BTBD9: variants seen among roughly 807,000 people sequenced by gnomAD.
BTBD9 encodes the protein BTB/POZ domain-containing protein 9.
In BTBD9, 49 loss-of-function variants were observed where a neutral mutation model predicts 64.3. The ratio of observed to expected loss-of-function variants is 0.76; its 90% confidence interval spans 0.61 to 0.97. BTBD9 has a LOEUF of 0.97. Ranked by LOEUF, BTBD9 falls within the 50% of genes least tolerant of loss-of-function variation. The pLI is 0.00. For missense variants in BTBD9, 598 were observed against 762.1 expected, an observed-to-expected ratio of 0.78 and a Z score of 2.53; for synonymous variants, 260 against 274.7, an observed-to-expected ratio of 0.95 and a Z score of 0.53.
chr6:38,268,324 ATAAGTGCCATGG>A (rs1765084998), intron 8 of BTBD9, among the ~76,000 whole-genome samples: 1 of 152,220 alleles, frequency 6.6e-6, no homozygotes, highest in South Asian at 2.1e-4. Context: ...GAGAAATTTA[ATAAGTGCCATGG>A]CTCCTCCCTG....
At position 38,438,206 on chromosome 6, in the gene BTBD9, AGGAGGGAGGGAGGGAGGGAG is replaced by A. The variant is rs748681270; in HGVS notation, c.1155-93133_1155-93114del. 8.1e-3 allele frequency among the ~76,000 whole-genome samples: 802 copies of A among 98,468 alleles called. 21 individuals carry two copies. Among genetic ancestry groups the A allele is most frequent in the African/African-American group, 0.03 (742 of 24,416 alleles). The allele number at this position is 98,468 out of a possible 152,430, so 64.6% of individuals were successfully genotyped here. A position where few individuals can be genotyped will look rare whatever the true frequency, so the allele number is the denominator to read the frequency against. ...AAGGAAGGAGGAAAGGAGGAAAGGA[AGGAGGGAGGGAGGGAGGGAG>A]GGAGGGAGGGAGGGAGGGAGGGAGG... On this transcript the variant is annotated intron_variant, in intron 6 of 10. Coordinates refer to ENST00000481247, the MANE Select transcript of BTBD9 (RefSeq NM_001099272.2).
rs1768812801 is a variant in BTBD9 at position 38,437,923 on chromosome 6, G to A, written c.1155-92830C>T. On this transcript the variant is annotated intron_variant, in intron 6 of 10. Transcript: ENST00000481247. ...AGGAAAGTAACCTATGTTGAAAGGT[G>A]ACATGTCAGACTCAGTCTCAGATTT... is the stretch of plus-strand genomic sequence containing the variant. Among the ~76,000 whole-genome samples, 4 of 151,994 alleles carry A rather than the reference G, an allele frequency of 2.6e-5. No individual in the cohort carries two copies. In the South Asian group the frequency reaches 8.3e-4, roughly 32 times the overall value.
chr6:38,276,017 T>C (rs944924905), intron 8 of BTBD9, among the ~76,000 whole-genome samples: 3 of 152,180 alleles, frequency 2.0e-5, no homozygotes, highest in African/African-American at 4.8e-5. Flanking sequence ...CAAAGGACTA[T>C]TAAATCATGC....
At chr6:38,586,929 G>C (rs9369069) in intron 4 of BTBD9, among the ~76,000 whole-genome samples, 1 of 151,914 alleles carries the variant, frequency 6.6e-6, no homozygotes, top group Non-Finnish European at 1.5e-5. Context: ...CAGGCGTGGT[G>C]GTGGGCACCT....
intron 7 of BTBD9, among the ~76,000 whole-genome samples, chr6:38,316,365 C>T (rs970920918): frequency 6.6e-6 from 1 of 152,050 alleles, no homozygotes; most frequent in African/African-American, 2.4e-5. Flanking sequence ...CCTGGTTGTT[C>T]TGTGGTCTTC....
intron 1 of BTBD9, among the ~76,000 whole-genome samples, chr6:38,600,353 G>A (rs1345528226): frequency 1.3e-5 from 2 of 152,180 alleles, no homozygotes; most frequent in Non-Finnish European, 2.9e-5. Context: ...CTAGCCCCTG[G>A]CCTACCCCGT....
chr6:38,273,891 G>C (rs927070934), intron 8 of BTBD9, among the ~76,000 whole-genome samples: 13 of 152,238 alleles, frequency 8.5e-5, no homozygotes, highest in African/African-American at 3.1e-4. Flanking sequence ...CCTCCTTCTA[G>C]GTTGTAGTGG....
At chr6:38,547,161 T>G (rs1368062681) in intron 6 of BTBD9, among the ~76,000 whole-genome samples, 1 of 152,168 alleles carries the variant, frequency 6.6e-6, no homozygotes, top group African/African-American at 2.4e-5. Flanking sequence ...CATGACAATA[T>G]TGAAAGTAGG....
chr6:38,533,129 T>TA (rs1482148557), intron 6 of BTBD9, among the ~76,000 whole-genome samples: 1 of 151,048 alleles, frequency 6.6e-6, no homozygotes, highest in African/African-American at 2.4e-5. Flanking sequence ...ATAATAATAA[T>TA]AAAAAAAACA....
In BTBD9 at chr6:38,374,297, G is replaced by GTATATATATATA. The variant is rs1468972879; in HGVS notation, c.1155-29205_1155-29204insTATATATATATA. Among the ~76,000 whole-genome samples the GTATATATATATA allele has an allele frequency of 2.4e-3, 130 of 53,480 alleles. 2 individuals carry two copies. Among genetic ancestry groups the GTATATATATATA allele is most frequent in the South Asian group, 3.0e-3 (4 of 1,320 alleles). The allele number at this position is 53,480 out of a possible 152,430, so 35.1% of individuals were successfully genotyped here. A position where few individuals can be genotyped will look rare whatever the true frequency, so the allele number is the denominator to read the frequency against. Reference sequence around the variant, plus strand: ...AAAAAAAAAAAGTATATATATATATGTATATATATGTATATATATATATAT... The same window carrying GTATATATATATA: ...AAAAAAAAAAAGTATATATATATATGTATATATATATATATATATATGTATATATATATATAT... On this transcript the variant is annotated intron_variant, in intron 6 of 10. Transcript: ENST00000481247.
chr6:38,370,198 C>T (rs538580359), intron 6 of BTBD9, among the ~76,000 whole-genome samples: 349 of 152,260 alleles, frequency 2.3e-3, no homozygotes, highest in African/African-American at 3.2e-3. Flanking sequence ...TATGGAATCC[C>T]GATCACCTTC....
intron 6 of BTBD9, among the ~76,000 whole-genome samples, chr6:38,351,371 C>T (rs1490570940): frequency 1.3e-5 from 2 of 151,946 alleles, no homozygotes; most frequent in Non-Finnish European, 2.9e-5. Context: ...GAAGAGCAAA[C>T]AAAACAGAAA....
intron 6 of BTBD9, among the ~76,000 whole-genome samples, chr6:38,374,305 A>ATG (rs200891990): frequency 3.0e-5 from 2 of 66,618 alleles, no homozygotes; most frequent in Non-Finnish European, 6.0e-5. Flanking sequence ...ATGTATATAT[A>ATG]TGTATATATA....
At chr6:38,239,866 T>C (rs944321078) in intron 9 of BTBD9, among the ~76,000 whole-genome samples, 1 of 152,192 alleles carries the variant, frequency 6.6e-6, no homozygotes, top group Non-Finnish European at 1.5e-5. Flanking sequence ...TATATAGTAT[T>C]ACATTTACAG....
At chr6:38,283,810 C>T (rs1761614389) in intron 8 of BTBD9, among the ~76,000 whole-genome samples, 1 of 152,152 alleles carries the variant, frequency 6.6e-6, no homozygotes, top group Non-Finnish European at 1.5e-5. Context: ...GATGCAGAAT[C>T]ACTGGGTTTC....
At chr6:38,314,687 G>T (rs1433360511) in intron 7 of BTBD9, among the ~76,000 whole-genome samples, 3 of 151,804 alleles carry the variant, frequency 2.0e-5, no homozygotes, top group Non-Finnish European at 4.4e-5. Context: ...TTCAGGTTTT[G>T]GATTTCTTCA....
At chr6:38,459,532 C>T (rs566360948) in intron 6 of BTBD9, among the ~76,000 whole-genome samples, 1 of 152,306 alleles carries the variant, frequency 6.6e-6, no homozygotes, top group South Asian at 2.1e-4. Context: ...AAGGAAGCTA[C>T]ATGTTCCAGA....
intron 7 of BTBD9, among the ~76,000 whole-genome samples, chr6:38,314,184 T>A (rs1203642231): frequency 6.6e-6 from 1 of 151,828 alleles, no homozygotes; most frequent in Non-Finnish European, 1.5e-5. Context: ...CCTGTAATTT[T>A]ATTTTATTTT....
chr6:38,393,288 ACT>A (rs1414439696), intron 6 of BTBD9, among the ~76,000 whole-genome samples: 1 of 152,140 alleles, frequency 6.6e-6, no homozygotes, highest in African/African-American at 2.4e-5. Context: ...TTGCAAATTG[ACT>A]CTGGGTTCTG....
Sources: gnomAD v4.1 joint callset for allele counts (sites outside exome capture counted in the v4.1 genomes callset) on GRCh38, gnomAD v4.1.1 for gene constraint, MANE v1.5 for transcripts, NCBI Gene and HGNC (gene_info 2026-07-23, HGNC 2026-07-21) for gene names.